C19orf38: variants seen among roughly 807,000 people sequenced by gnomAD.
The protein encoded by C19orf38 is chromosome 19 open reading frame 38.
In C19orf38, 14 loss-of-function variants were observed where a neutral mutation model predicts 26.6. The observed-to-expected ratio is 0.53, with a 90% confidence interval of 0.35 to 0.82. The LOEUF is 0.82. Ranked by LOEUF, C19orf38 falls within the 40% of genes least tolerant of loss-of-function variation. The pLI is 0.01. For synonymous variants in C19orf38, 132 were observed against 128.5 expected, an observed-to-expected ratio of 1.03 and a Z score of -0.18; for missense variants, 261 against 299.5, an observed-to-expected ratio of 0.87 and a Z score of 0.95.
chr19:10,848,380 T>A, upstream of C19orf38: 1 of 1,003,590 alleles, frequency 1.0e-6, no homozygotes, highest in Admixed American at 2.1e-5. Flanking sequence ...TTCCTGCCAG[T>A]GAGGAAACTC....
rs983481261 is a variant in C19orf38, at chr19:10,850,314, C to T, written c.87C>T (p.Ser29=). The part of the protein sequence containing the change: ...SIRLVPPYPS[S]QEDPIHIACM... ...GGCTGGTGCCCCCGTACCCAAGCAGCCAAGAGGACCCCATCCACATCGCAT... is the reference window on the plus strand; with the variant it reads ...GGCTGGTGCCCCCGTACCCAAGCAGTCAAGAGGACCCCATCCACATCGCAT... The change falls in exon 2 of 7, where the codon AGC becomes AGT. Residue 29 remains serine (S), a synonymous_variant. Coordinates refer to ENST00000397820, the MANE Select transcript of C19orf38 (RefSeq NM_001136482.3). 10 of 1,551,100 alleles carry T rather than the reference C, an allele frequency of 6.4e-6. No individual in the cohort carries two copies. The African/African-American group carries it at 1.2e-4, about 19-fold the overall frequency.
At chr19:10,845,290 C>T (rs982761336), upstream of C19orf38, among the ~76,000 whole-genome samples, 15 of 151,994 alleles carry the variant, frequency 9.9e-5, no homozygotes, top group African/African-American at 2.4e-4. Context: ...GAATTTCTAG[C>T]GTACGTACAA....
At chr19:10,859,378 ATATATATTTTT>A (rs1484856899) in intron 4 of C19orf38, among the ~76,000 whole-genome samples, 5 of 35,746 alleles carry the variant, frequency 1.4e-4, no homozygotes, top group East Asian at 3.5e-3. Context: ...ATATATATAT[ATATATATTTTT>A]TTTTTTTTTT....
intron 1 of C19orf38, among the ~76,000 whole-genome samples, chr19:10,849,222 T>C (rs1285885980): frequency 1.3e-5 from 2 of 152,110 alleles, no homozygotes; most frequent in African/African-American, 4.8e-5. Flanking sequence ...GGTCTCACTG[T>C]GTTCTCCAGG....
chr19:10,864,550 A>G (rs577153347), intron 6 of C19orf38, among the ~76,000 whole-genome samples: 8 of 152,188 alleles, frequency 5.3e-5, no homozygotes, highest in African/African-American at 1.9e-4. Flanking sequence ...TTCCTAGTAT[A>G]GGAGGGAGGG....
chr19:10,846,797 A>G (rs532846993), upstream of C19orf38, among the ~76,000 whole-genome samples: 20 of 152,344 alleles, frequency 1.3e-4, no homozygotes, highest in East Asian at 1.3e-3. Context: ...AAGCATGCCA[A>G]TTGCAATAAA....
In C19orf38 at chr19:10,856,350, C is replaced by T. The variant is rs2073625396; in HGVS notation, c.426C>T (p.Val142=). The T allele has an allele frequency of 6.4e-7, 1 of 1,550,972 alleles. No individual in the cohort carries two copies. The highest frequency in any genetic ancestry group is 8.7e-7 in the Non-Finnish European group (1 of 1,146,536). The change falls in exon 3 of 7, where the codon GTC becomes GTT. Residue 142 remains valine, a synonymous_variant. Coordinates refer to ENST00000397820, the MANE Select transcript of C19orf38 (RefSeq NM_001136482.3). ...LAGLVAVALV[V]RKVKLRNLQK... is the part of the protein sequence containing the mutation. ...GGCTGGTGGCTGTTGCCCTGGTGGT[C>T]AGAAAAGGTAACAGCACGCAAAGCC...
chr19:10,861,958 A>G (rs1599670442), intron 5 of C19orf38, among the ~76,000 whole-genome samples: 1 of 148,076 alleles, frequency 6.8e-6, no homozygotes, highest in Non-Finnish European at 1.5e-5. Flanking sequence ...GAGTGCGGTG[A>G]CGCGATCTGG....
At chr19:10,861,884 T>C (rs1431808537) in intron 5 of C19orf38, among the ~76,000 whole-genome samples, 2 of 150,582 alleles carry the variant, frequency 1.3e-5, no homozygotes, top group Non-Finnish European at 3.0e-5. Context: ...CACCGCCCTT[T>C]TGTTGTTGTT....
upstream of C19orf38, among the ~76,000 whole-genome samples, chr19:10,846,063 T>A (rs1406607191): frequency 6.7e-6 from 1 of 150,052 alleles, no homozygotes; most frequent in Admixed American, 6.7e-5. Flanking sequence ...ACACCTGTAG[T>A]CCCAGCTACT....
intron 1 of C19orf38, chr19:10,841,775 C>A: frequency 3.4e-6 from 3 of 886,970 alleles, no homozygotes; most frequent in Non-Finnish European, 5.5e-6. Flanking sequence ...GAGTTCCCGA[C>A]TAGCCTGGGC....
intron 1 of C19orf38, among the ~76,000 whole-genome samples, chr19:10,840,601 C>T (rs1261141934): frequency 1.3e-5 from 2 of 152,256 alleles, no homozygotes; most frequent in Non-Finnish European, 2.9e-5. Context: ...TCACTTCAAC[C>T]TCTGCCTCCC....
upstream of C19orf38, among the ~76,000 whole-genome samples, chr19:10,845,897 G>A (rs895836920): frequency 1.3e-5 from 2 of 150,396 alleles, no homozygotes; most frequent in Middle Eastern, 7.0e-3. Flanking sequence ...AAAAAAAAGA[G>A]GGTTTAAAGT....
intron 1 of C19orf38, among the ~76,000 whole-genome samples, chr19:10,840,159 C>T (rs371499975): frequency 1.3e-5 from 2 of 150,954 alleles, no homozygotes; most frequent in Non-Finnish European, 3.0e-5. Flanking sequence ...GTATAGATCT[C>T]GTGGTGGAAT....
intron 1 of C19orf38, 57 bp from the exon 2 acceptor site, chr19:10,850,202 G>A: frequency 6.8e-7 from 1 of 1,466,028 alleles, no homozygotes; most frequent in Non-Finnish European, 9.1e-7. Flanking sequence ...AGGCCACATA[G>A]CCAGGGCAGC....
intron 1 of C19orf38, among the ~76,000 whole-genome samples, chr19:10,849,737 A>C (rs950490026): frequency 2.6e-5 from 4 of 152,076 alleles, no homozygotes; most frequent in African/African-American, 9.7e-5. Flanking sequence ...ATAAGAGTAT[A>C]GTTGTGTTGC....
intron 5 of C19orf38, among the ~76,000 whole-genome samples, chr19:10,860,730 G>A (rs2073689543): frequency 6.8e-6 from 1 of 147,456 alleles, no homozygotes; most frequent in Admixed American, 6.8e-5. Context: ...AGTCCCAGCT[G>A]CTCAGGAGGC....
intron 2 of C19orf38, among the ~76,000 whole-genome samples, chr19:10,853,578 G>T (rs929623826): frequency 2.0e-4 from 30 of 148,228 alleles, no homozygotes; most frequent in Non-Finnish European, 3.1e-4. Context: ...GAGCCACCAT[G>T]CCCAGCTCCC....
intron 1 of C19orf38, among the ~76,000 whole-genome samples, chr19:10,837,503 C>T (rs868048261): frequency 5.3e-3 from 489 of 92,934 alleles, no homozygotes; most frequent in Middle Eastern, 0.021. Flanking sequence ...TTTTTTTTTC[C>T]TTTTTTTTTT....
Sources: allele counts gnomAD v4.1 joint callset (sites outside exome capture counted in the v4.1 genomes callset), GRCh38; gene constraint gnomAD v4.1.1; transcripts MANE v1.5; gene names NCBI Gene and HGNC (gene_info 2026-07-23, HGNC 2026-07-21).